GTPBP1: variants seen among roughly 807,000 people sequenced by gnomAD.
The protein encoded by GTPBP1 is GTP binding protein 1.
In GTPBP1, 23 loss-of-function variants were observed where a neutral mutation model predicts 62.0. The observed-to-expected ratio is 0.37, with a 90% CI of 0.27 to 0.53. The LOEUF is 0.53. Among genes scored for constraint, GTPBP1 ranks in the 20% least tolerant of loss-of-function variants. The pLI, the probability that GTPBP1 is intolerant of heterozygous loss-of-function variation, is 0.89. For synonymous variants in GTPBP1, 344 were observed against 364.4 expected (o/e 0.94, Z 0.64); for missense variants, 640 against 917.3 (o/e 0.70, Z 3.90).
Position 38,727,150 on chromosome 22 carries a change from G to C in GTPBP1, c.1402-63G>C, listed in dbSNP as rs2092730958. ...CCCTAGAAAGACTCTTGGTCCCTGG[G>C]ACCAGGGGTGAAACCAGAAGGCATA... On this transcript the variant is annotated intron_variant, in intron 8 of 11. Coordinates refer to ENST00000216044, the MANE Select transcript of GTPBP1 (RefSeq NM_004286.5). The surrounding 1 kb of genome is among the most constrained non-coding windows in gnomAD (Gnocchi z 6.5). 1.4e-6 allele frequency: 2 copies of C among 1,453,658 alleles called. No individual in the cohort carries two copies. The highest frequency in any genetic ancestry group is 1.8e-6 in the Non-Finnish European group (2 of 1,086,248). 90.0% of individuals were successfully genotyped at this position (1,453,658 alleles called of 1,614,324 possible).
At position 38,715,959 on chromosome 22, in the gene GTPBP1, A is replaced by G. The variant is rs1275401539; in HGVS notation, c.357A>G (p.Thr119=). The G allele has an allele frequency of 6.2e-7, 1 of 1,614,038 alleles. No homozygotes were observed. The highest frequency in any genetic ancestry group is 1.7e-5 in the Admixed American group (1 of 60,026). ...SEADMEASYA[T]VKSMAEQIEA... ...CTGACATGGAGGCCTCCTACGCCAC[A>G]GTGAAGAGCATGGCGGAACAGATAG... The change falls in exon 3 of 12, where the codon ACA becomes ACG. Residue 119 remains threonine (T), a synonymous_variant. Transcript: ENST00000216044.
chr22:38,739,828 T>G, downstream of GTPBP1: 1 of 1,613,616 alleles, frequency 6.2e-7, no homozygotes. This position sits in a 1 kb window ranked among gnomAD's most constrained non-coding sequence, Gnocchi z 6.7. Flanking sequence ...GGTGAGGATC[T>G]TGCTCTCCAG....
rs776495874 is a variant in GTPBP1, at chr22:38,716,192, G to A, written c.485+105G>A. On this transcript the variant is annotated intron_variant, in intron 3 of 11. Transcript: ENST00000216044. The surrounding 1 kb of genome is among the most constrained non-coding windows in gnomAD (Gnocchi z 5.2). ...GCTCCATCCTTTCCCCTCCTGAGGC[G>A]GGGAAAGAGTGTCCAGGTGTCTGGA... 4.7e-5 allele frequency: 44 copies of A among 929,278 alleles called. No homozygotes were observed. Among genetic ancestry groups the A allele is most frequent in the Admixed American group, 1.7e-4 (7 of 40,972 alleles). The allele number at this position is 929,278 out of a possible 1,614,324, so 57.6% of individuals were successfully genotyped here. A position where few individuals can be genotyped will look rare whatever the true frequency, so the allele number is the denominator to read the frequency against.
chr22:38,708,808 G>C, intron 1 of GTPBP1, 37 bp from the exon 2 acceptor site: 1 of 1,138,298 alleles, frequency 8.8e-7, no homozygotes, highest in Non-Finnish European at 1.3e-6. Flanking sequence ...TGCTCTTCTA[G>C]CAAGTGTGGT....
rs769216430 is a variant in GTPBP1, at chr22:38,716,036, G to A, written c.434G>A (p.Arg145His). 8 of 1,613,588 alleles carry A rather than the reference G, an allele frequency of 5.0e-6. No homozygotes were observed. Among genetic ancestry groups the A allele is most frequent in the Admixed American group, 1.7e-5 (1 of 59,898 alleles). ...CGGCAAGAAGCTGGGGGCCGCGTGC[G>A]TGATTACCTGGTCCGGAAACGAGTA... ...RERQEAGGRV[R>H]DYLVRKRVGD... Residue 145 changes from arginine (R) to histidine (H), a missense_variant, in exon 3 of 12, where the codon CGT (arginine) becomes CAT (histidine). By Grantham distance (29) the Arg-to-His change is conservative (BLOSUM62 0). This residue lies in a region of GTPBP1 where 215 missense variants were observed against 235.1 expected (regional missense o/e 0.91). Coordinates refer to ENST00000216044, the MANE Select transcript of GTPBP1 (RefSeq NM_004286.5). The surrounding 1 kb of genome is among the most constrained non-coding windows in gnomAD (Gnocchi z 5.2).
intron 4 of GTPBP1, among the ~76,000 whole-genome samples, chr22:38,719,933 T>C (rs181170317): frequency 8.1e-5 from 12 of 148,802 alleles, no homozygotes; most frequent in Admixed American, 2.7e-4. Flanking sequence ...TTCTTTCTTT[T>C]TTTTTTTTTT....
At chr22:38,721,646 C>T in intron 4 of GTPBP1, 96 bp from the exon 5 acceptor site, 1 of 1,224,044 alleles carries the variant, frequency 8.2e-7, no homozygotes, top group Non-Finnish European at 1.2e-6. Flanking sequence ...TTTGCCCAGC[C>T]CAGCTTTCAT....
rs1223059776 is a variant in GTPBP1, at chr22:38,724,322, G to T, written c.984G>T (p.Leu328=). The change falls in exon 6 of 12, where the codon CTG becomes CTT. Residue 328 remains leucine (L), a synonymous_variant. Coordinates refer to ENST00000216044, the MANE Select transcript of GTPBP1 (RefSeq NM_004286.5). ...AAACCCTGAAGCTGTTACAGCGCCTGCTGAAGTCACCAGGCTGCCGGAAGA... is the reference window on the plus strand; with the variant it reads ...AAACCCTGAAGCTGTTACAGCGCCTTCTGAAGTCACCAGGCTGCCGGAAGA... ...LQETLKLLQR[L]LKSPGCRKIP... 1 of 1,612,704 alleles carries T rather than the reference G, an allele frequency of 6.2e-7. No homozygotes were observed. Among genetic ancestry groups the T allele is most frequent in the African/African-American group, 1.3e-5 (1 of 74,976 alleles).
downstream of GTPBP1, chr22:38,738,062 G>C (rs911503497): frequency 1.1e-6 from 1 of 948,488 alleles, no homozygotes; most frequent in African/African-American, 1.6e-5. This position sits in a 1 kb window ranked among gnomAD's most constrained non-coding sequence, Gnocchi z 6.6. Context: ...GGAAAGGAGA[G>C]CAGGGCTTCC....
chr22:38,736,399 G>A (rs1206095400), downstream of GTPBP1: 1 of 1,598,882 alleles, frequency 6.3e-7, no homozygotes, highest in African/African-American at 1.3e-5. Context: ...AGAAGAAAGG[G>A]ATTAAGAGCA....
chr22:38,729,425 C>T, intron 10 of GTPBP1, 37 bp from the exon 11 acceptor site: 2 of 1,504,916 alleles, frequency 1.3e-6, no homozygotes, highest in South Asian at 2.4e-5. Context: ...CACTGCCCCG[C>T]AGCTCCAGCC....
rs2092727897 is a variant in GTPBP1 at position 38,726,552 on chromosome 22, TAC to T, written c.1401+113_1401+114del. On this transcript the variant is annotated intron_variant, in intron 8 of 11. Coordinates refer to ENST00000216044, the MANE Select transcript of GTPBP1 (RefSeq NM_004286.5). This position sits in a 1 kb window ranked among gnomAD's most constrained non-coding sequence, Gnocchi z 4.1. ...CATGGCTGCTCTGCAAGGTCGGGAT[TAC>T]TGGCTTCATTTTTACAGATGAGGAA... is the stretch of plus-strand genomic sequence containing the variant. 8 of 901,128 alleles carry T rather than the reference TAC, an allele frequency of 8.9e-6. No individual in the cohort carries two copies. In the Admixed American group the frequency reaches 1.8e-4, roughly 20 times the overall value. 55.8% of individuals were successfully genotyped at this position (901,128 alleles called of 1,614,324 possible).
chr22:38,736,279 C>T, downstream of GTPBP1: 1 of 1,612,838 alleles, frequency 6.2e-7, no homozygotes, highest in Non-Finnish European at 8.5e-7. Context: ...AGTGGGCGGG[C>T]TCCCCATGCA....
Position 38,716,754 on chromosome 22 carries a change from C to T in GTPBP1, c.588C>T (p.Leu196=). ...DNGRGFARQK[L]FRHKHEIESG... is the part of the protein sequence containing the mutation. ...GCCGAGGCTTTGCCCGCCAGAAACT[C>T]TTCCGCCACAAACATGAAATTGAAT... The change falls in exon 4 of 12, where the codon CTC becomes CTT. Residue 196 remains leucine (L), a synonymous_variant. Coordinates refer to ENST00000216044, the MANE Select transcript of GTPBP1 (RefSeq NM_004286.5). This position sits in a 1 kb window ranked among gnomAD's most constrained non-coding sequence, Gnocchi z 5.2. The T allele has an allele frequency of 6.2e-7, 1 of 1,614,164 alleles. No homozygotes were observed. The highest frequency in any genetic ancestry group is 1.1e-5 in the South Asian group (1 of 91,072).
At position 38,726,340 on chromosome 22, in the gene GTPBP1, T is replaced by G; in HGVS notation, c.1301T>G (p.Leu434Trp). The change falls in exon 8 of 12, where the codon TTG becomes TGG. Residue 434 changes from leucine to tryptophan, a missense_variant. This residue lies in a region of GTPBP1 where 220 missense variants were observed against 358.1 expected (regional missense o/e 0.61). Transcript: ENST00000216044. This position sits in a 1 kb window ranked among gnomAD's most constrained non-coding sequence, Gnocchi z 4.1. ...NDTLLLGPDP[L>W]GNFLSIAVKS... ...ACGCTGCTGCTGGGCCCAGACCCCT[T>G]GGGTAACTTCCTGTCCATTGCTGTC... 1 of 1,614,082 alleles carries G rather than the reference T, an allele frequency of 6.2e-7. No homozygotes were observed. The highest frequency in any genetic ancestry group is 8.5e-7 in the Non-Finnish European group (1 of 1,179,990).
In GTPBP1 at chr22:38,727,152, C is replaced by T. The variant is rs2092730978; in HGVS notation, c.1402-61C>T. 1 of 1,461,702 alleles carries T rather than the reference C, an allele frequency of 6.8e-7. No individual in the cohort carries two copies. The highest frequency in any genetic ancestry group is 9.1e-7 in the Non-Finnish European group (1 of 1,093,390). The allele number at this position is 1,461,702 out of a possible 1,614,324, so 90.5% of individuals were successfully genotyped here. ...CTAGAAAGACTCTTGGTCCCTGGGA[C>T]CAGGGGTGAAACCAGAAGGCATAAT... On this transcript the variant is annotated intron_variant, in intron 8 of 11. Transcript: ENST00000216044. The surrounding 1 kb of genome is among the most constrained non-coding windows in gnomAD (Gnocchi z 6.5).
downstream of GTPBP1, chr22:38,739,879 C>T (rs370307711): frequency 1.1e-5 from 17 of 1,613,214 alleles, no homozygotes; most frequent in Non-Finnish European, 1.4e-5. The surrounding 1 kb of genome is among the most constrained non-coding windows in gnomAD (Gnocchi z 6.7). Flanking sequence ...CTGAAGGAGC[C>T]CCACGCGGCC....
downstream of GTPBP1, chr22:38,741,606 AGCC>A (rs1457189150): frequency 6.3e-7 from 1 of 1,599,582 alleles, no homozygotes; most frequent in Non-Finnish European, 8.6e-7. Context: ...GGTTGGACAG[AGCC>A]ATGCTTATAG....
At chr22:38,739,792 G>C (rs145490494), downstream of GTPBP1, 1 of 1,613,578 alleles carries the variant, frequency 6.2e-7, no homozygotes, top group Non-Finnish European at 8.5e-7. This position sits in a 1 kb window ranked among gnomAD's most constrained non-coding sequence, Gnocchi z 6.7. Context: ...TTCCCTGGCC[G>C]ACTTGCCCTG....
Sources: gnomAD v4.1 joint callset for allele counts (sites outside exome capture counted in the v4.1 genomes callset) on GRCh38, gnomAD v4.1.1 for gene constraint, gnomAD v4.1.1 regional missense constraint, Gnocchi (gnomAD v3.1) non-coding constraint, MANE v1.5 for transcripts, NCBI Gene and HGNC (gene_info 2026-07-23, HGNC 2026-07-21) for gene names.